The following NUDT3 variants were observed in gnomAD, a reference collection of about 807,000 sequenced individuals.
The protein encoded by NUDT3 is nudix hydrolase 3.
Under a neutral mutation model 23.6 loss-of-function variants are expected in NUDT3, and 9 were observed. The ratio of observed to expected loss-of-function variants is 0.38; its 90% CI spans 0.23 to 0.66. The LOEUF (loss-of-function observed/expected upper bound fraction) is 0.66, where lower values mean the gene tolerates loss of function less well. Among genes scored for constraint, NUDT3 ranks in the 30% least tolerant of loss-of-function variants. The pLI is 0.52. For synonymous variants in NUDT3, 86 were observed against 82.6 expected (o/e 1.04, Z -0.22); for missense variants, 172 against 218.5 (o/e 0.79, Z 1.34).
chr6:34,351,215 A>AAAAAAAAAAAC lies in NUDT3; in HGVS notation c.100-9244_100-9243insGTTTTTTTTTT, dbSNP rs1561915119. On this transcript the variant is annotated intron_variant, in intron 1 of 4. Transcript: ENST00000607016. Reference sequence around the variant, plus strand: ...CCCCTGCCTAAAAAAAAAAAAAAAAAAAAAAAAAAAACACTTTGGGAGGCC... The same window carrying AAAAAAAAAAAC: ...CCCCTGCCTAAAAAAAAAAAAAAAAAAAAAAAAAAACAAAAAAAAAAACACTTTGGGAGGCC... 1.7e-4 allele frequency among the ~76,000 whole-genome samples: 23 copies of AAAAAAAAAAAC among 136,972 alleles called. 1 individual carries two copies. In the South Asian group the frequency reaches 3.1e-3, roughly 18 times the overall value. 89.9% of individuals were successfully genotyped at this position (136,972 alleles called of 152,430 possible).
chr6:34,313,896 G>A (rs1763818225), intron 2 of NUDT3, among the ~76,000 whole-genome samples: 1 of 151,794 alleles, frequency 6.6e-6, no homozygotes, highest in Non-Finnish European at 1.5e-5. Context: ...CTGGGAGTTC[G>A]AGACCAGCCT....
chr6:34,360,795 A>T (rs916610276), intron 1 of NUDT3, among the ~76,000 whole-genome samples: 4 of 152,090 alleles, frequency 2.6e-5, no homozygotes, highest in African/African-American at 9.7e-5. Context: ...CACAAGATGG[A>T]AAAAAAATAT....
At chr6:34,319,718 T>C (rs1763911704) in intron 2 of NUDT3, among the ~76,000 whole-genome samples, 1 of 152,230 alleles carries the variant, frequency 6.6e-6, no homozygotes, top group Non-Finnish European at 1.5e-5. Context: ...GCCTGTTTGT[T>C]CAGATTCTTC....
intron 2 of NUDT3, among the ~76,000 whole-genome samples, chr6:34,327,047 G>A (rs1676240504): frequency 6.6e-6 from 1 of 151,894 alleles, no homozygotes; most frequent in Admixed American, 6.6e-5. Context: ...TAGTGGCCCT[G>A]AATGGCTGGG....
At chr6:34,311,007 C>T (rs1382108046) in intron 2 of NUDT3, among the ~76,000 whole-genome samples, 1 of 145,654 alleles carries the variant, frequency 6.9e-6, no homozygotes, top group Non-Finnish European at 1.5e-5. Context: ...AAAAAAAAAA[C>T]TCTCGACAAA....
At chr6:34,299,931 G>C (rs1763574468) in intron 2 of NUDT3, among the ~76,000 whole-genome samples, 1 of 150,442 alleles carries the variant, frequency 6.6e-6, no homozygotes, top group African/African-American at 2.4e-5. Flanking sequence ...TTTTATTTTT[G>C]AGAGACAGGG....
chr6:34,298,735 C>T (rs1448732041), intron 2 of NUDT3, among the ~76,000 whole-genome samples: 2 of 152,184 alleles, frequency 1.3e-5, no homozygotes, highest in Non-Finnish European at 2.9e-5. Context: ...TGCATGCCAC[C>T]ACACATGGCT....
intron 1 of NUDT3, among the ~76,000 whole-genome samples, chr6:34,360,600 T>C (rs1473124904): frequency 1.3e-5 from 2 of 152,144 alleles, no homozygotes; most frequent in Non-Finnish European, 2.9e-5. Flanking sequence ...AGATTGTCTA[T>C]AATAACTACT....
intron 2 of NUDT3, among the ~76,000 whole-genome samples, chr6:34,327,441 A>T (rs1020565348): frequency 4.6e-5 from 7 of 151,850 alleles, no homozygotes; most frequent in African/African-American, 1.7e-4. Context: ...GAGACAGGAA[A>T]ATCGCTTGAA....
chr6:34,291,494 T>C (rs1581846113), intron 4 of NUDT3, among the ~76,000 whole-genome samples: 1 of 151,992 alleles, frequency 6.6e-6, no homozygotes, highest in African/African-American at 2.4e-5. Flanking sequence ...TATTAGCTTT[T>C]CTTTAACATT....
intron 1 of NUDT3, among the ~76,000 whole-genome samples, chr6:34,370,747 G>A (rs937459496): frequency 1.3e-5 from 2 of 152,104 alleles, no homozygotes; most frequent in Admixed American, 6.6e-5. Flanking sequence ...ACATAAACAC[G>A]ATTTTTGTTA....
intron 2 of NUDT3, among the ~76,000 whole-genome samples, chr6:34,339,058 T>A (rs1764251567): frequency 6.6e-6 from 1 of 152,126 alleles, no homozygotes; most frequent in African/African-American, 2.4e-5. Flanking sequence ...ATCAGGAAGA[T>A]GCCAAATAAA....
intron 2 of NUDT3, among the ~76,000 whole-genome samples, chr6:34,316,738 G>A (rs1763867376): frequency 6.6e-6 from 1 of 152,176 alleles, no homozygotes; most frequent in Non-Finnish European, 1.5e-5. Context: ...TATTAGAGGA[G>A]CAGCAAGGGG....
At chr6:34,365,813 AGGTG>A in intron 1 of NUDT3, among the ~76,000 whole-genome samples, 1 of 151,958 alleles carries the variant, frequency 6.6e-6, no homozygotes, top group Non-Finnish European at 1.5e-5. Context: ...AGGCCAAGGC[AGGTG>A]GATCACATGA....
chr6:34,387,310 C>T lies in NUDT3; in HGVS notation c.99+4954G>A, dbSNP rs9469776. On this transcript the variant is annotated intron_variant, in intron 1 of 4. Transcript: ENST00000607016. ...GTTATCATAGGAGATGATAGCTCCACGCCTGTTACTCTCCTGAAGACCTCC... is the reference window on the plus strand; with the variant it reads ...GTTATCATAGGAGATGATAGCTCCATGCCTGTTACTCTCCTGAAGACCTCC... 9.0e-3 allele frequency among the ~76,000 whole-genome samples: 1,372 copies of T among 152,096 alleles called. 18 individuals are homozygous for T. Among genetic ancestry groups the T allele is most frequent in the African/African-American group, 0.032 (1,307 of 41,462 alleles).
chr6:34,368,715 T>G (rs935819250), intron 1 of NUDT3, among the ~76,000 whole-genome samples: 1 of 152,202 alleles, frequency 6.6e-6, no homozygotes, highest in Non-Finnish European at 1.5e-5. Flanking sequence ...CTCAGTTCAC[T>G]GCAAACTCCA....
At chr6:34,343,104 A>G (rs1045691569) in intron 1 of NUDT3, among the ~76,000 whole-genome samples, 3 of 152,222 alleles carry the variant, frequency 2.0e-5, no homozygotes, top group African/African-American at 7.2e-5. Flanking sequence ...ACTAATATAT[A>G]GGCCATGGAC....
Position 34,335,865 on chromosome 6 carries a change from G to A in NUDT3, c.210+5997C>T, listed in dbSNP as rs111413162. On this transcript the variant is annotated intron_variant, in intron 2 of 4. Transcript: ENST00000607016. The stretch of plus-strand genomic sequence containing the variant: ...AGCCTCCCCAGTAGCTGGGACTACA[G>A]GCCCATACCACCAGGCCTGGCTATA... Among the ~76,000 whole-genome samples the A allele has an allele frequency of 8.5e-3, 1,283 of 151,602 alleles. 17 individuals are homozygous for A. The highest frequency in any genetic ancestry group is 0.027 in the African/African-American group (1,102 of 41,312).
Position 34,288,554 on chromosome 6 carries a change from C to T in NUDT3, c.*199G>A, listed in dbSNP as rs1457753112. ...ACTTACAAATTACACACCCAACCCC[C>T]ACCCTCAATAAAAACAGAAGAAAAA... On this transcript the variant is annotated 3_prime_UTR_variant, in exon 5 of 5. Transcript: ENST00000607016. 2.9e-6 allele frequency: 2 copies of T among 678,446 alleles called. No individual in the cohort carries two copies. Among genetic ancestry groups the T allele is most frequent in the East Asian group, 3.1e-5 (1 of 32,084 alleles). 42.0% of individuals were successfully genotyped at this position (678,446 alleles called of 1,614,324 possible).
Sources: gnomAD v4.1 joint callset for allele counts (sites outside exome capture counted in the v4.1 genomes callset) on GRCh38, gnomAD v4.1.1 for gene constraint, MANE v1.5 for transcripts, NCBI Gene and HGNC (gene_info 2026-07-23, HGNC 2026-07-21) for gene names.